The following ZNF438 variants were observed in gnomAD, a reference collection of about 807,000 sequenced individuals.
ZNF438 encodes zinc finger protein 438.
Under a neutral mutation model 38.0 loss-of-function variants are expected in ZNF438, and 25 were observed. The observed-to-expected ratio is 0.66, with a 90% CI of 0.48 to 0.92. The LOEUF (loss-of-function observed/expected upper bound fraction) is 0.92, where lower values mean the gene tolerates loss of function less well. Ranked by LOEUF, ZNF438 falls within the 40% of genes least tolerant of loss-of-function variation. The pLI, the probability that ZNF438 is intolerant of heterozygous loss-of-function variation, is 0.00. For missense variants in ZNF438, 1,007 were observed against 999.6 expected (o/e 1.01, Z -0.10); for synonymous variants, 372 against 364.1 (o/e 1.02, Z -0.25).
At chr10:30,920,112 C>T (rs762293430) in intron 2 of ZNF438, 2 of 152,236 alleles carry the variant, frequency 1.3e-5, no homozygotes, top group South Asian at 2.1e-4. Context: ...CATTGGCCCG[C>T]ATGTACTCTC....
At chr10:31,001,431 C>T (rs16932100) in intron 1 of ZNF438, among the ~76,000 whole-genome samples, 2,371 of 152,162 alleles carry the variant, frequency 0.016, 58 homozygotes, top group African/African-American at 0.054. Flanking sequence ...TCTGGGGAGG[C>T]CCACCCTATT....
At chr10:30,873,162 CA>C (rs941218413) in intron 4 of ZNF438, among the ~76,000 whole-genome samples, 2 of 151,788 alleles carry the variant, frequency 1.3e-5, no homozygotes, top group East Asian at 3.9e-4. Flanking sequence ...AAATAACAGA[CA>C]AAAAAAGGAG....
At chr10:30,845,889 C>T (rs1317734799) in intron 5 of ZNF438, among the ~76,000 whole-genome samples, 2 of 152,162 alleles carry the variant, frequency 1.3e-5, no homozygotes, top group African/African-American at 2.4e-5. Context: ...GGAAGAGTCA[C>T]GTAAGAGCGC....
At chr10:30,902,806 C>T (rs2042170804) in intron 3 of ZNF438, among the ~76,000 whole-genome samples, 1 of 152,232 alleles carries the variant, frequency 6.6e-6, no homozygotes. Context: ...CGCAGTGTGC[C>T]CGCACTCCTC....
chr10:30,964,593 TAA>T (rs1033027647), intron 1 of ZNF438, among the ~76,000 whole-genome samples: 25 of 152,208 alleles, frequency 1.6e-4, no homozygotes, highest in Non-Finnish European at 1.5e-4. Context: ...GGGGAAAATA[TAA>T]GTGTTCAGGA....
chr10:31,001,845 G>C (rs917959962), intron 1 of ZNF438, among the ~76,000 whole-genome samples: 1 of 152,176 alleles, frequency 6.6e-6, no homozygotes, highest in African/African-American at 2.4e-5. Flanking sequence ...GGCCTGACCA[G>C]TCCCAACCTC....
At chr10:30,987,368 T>TA (rs563193843) in intron 1 of ZNF438, among the ~76,000 whole-genome samples, 6,560 of 147,544 alleles carry the variant, frequency 0.044, 161 homozygotes, top group Non-Finnish European at 0.061. Context: ...GATGCTGAAT[T>TA]AAAAAAAAAA....
At chr10:31,020,607 G>C (rs1002594491) in intron 1 of ZNF438, among the ~76,000 whole-genome samples, 1 of 151,942 alleles carries the variant, frequency 6.6e-6, no homozygotes, top group Non-Finnish European at 1.5e-5. Flanking sequence ...TTCTGGGCCT[G>C]ATGGTTTAAA....
At chr10:30,958,997 T>C (rs2049171739) in intron 1 of ZNF438, among the ~76,000 whole-genome samples, 1 of 147,514 alleles carries the variant, frequency 6.8e-6, no homozygotes, top group South Asian at 2.2e-4. Flanking sequence ...TTTTTATTAA[T>C]ATCTATTACA....
intron 3 of ZNF438, among the ~76,000 whole-genome samples, chr10:30,902,089 A>T (rs1013963157): frequency 4.6e-5 from 7 of 152,174 alleles, no homozygotes; most frequent in African/African-American, 1.7e-4. Flanking sequence ...TTTATTGCAT[A>T]GAGCGAAAGA....
At chr10:30,912,595 A>G (rs1433089702) in intron 2 of ZNF438, among the ~76,000 whole-genome samples, 1 of 152,118 alleles carries the variant, frequency 6.6e-6, no homozygotes, top group Non-Finnish European at 1.5e-5. Context: ...CTGTAGGTCC[A>G]TATCTGTCTA....
chr10:30,932,830 C>G (rs2045843295), intron 2 of ZNF438, among the ~76,000 whole-genome samples: 1 of 152,106 alleles, frequency 6.6e-6, no homozygotes, highest in African/African-American at 2.4e-5. Context: ...CTGGTATCCT[C>G]ACAAGAGGAG....
intron 1 of ZNF438, among the ~76,000 whole-genome samples, chr10:31,014,591 T>C (rs1443728482): frequency 2.0e-5 from 3 of 152,112 alleles, no homozygotes; most frequent in South Asian, 2.1e-4. Flanking sequence ...ATTCAGTCCA[T>C]AGCATGCTCT....
At chr10:30,985,715 T>G (rs2052702028) in intron 1 of ZNF438, among the ~76,000 whole-genome samples, 1 of 152,242 alleles carries the variant, frequency 6.6e-6, no homozygotes, top group African/African-American at 2.4e-5. Context: ...TTAAGTTCTA[T>G]GAAGTCACCA....
rs531206845 is a variant in ZNF438, at chr10:30,922,571, C to T, written c.-114-13556G>A. On this transcript the variant is annotated intron_variant, in intron 2 of 5. Coordinates refer to ENST00000413025, the Ensembl canonical transcript of ZNF438. The stretch of plus-strand genomic sequence containing the variant: ...ATTGTCAGCCAGAAGCGGTGGCTCA[C>T]GCCTGTAATCCCAGCACTTTGGGAG... Among the ~76,000 whole-genome samples, 17 of 152,260 alleles carry T rather than the reference C, an allele frequency of 1.1e-4. No homozygotes were observed. In the East Asian group the frequency reaches 1.5e-3, roughly 14 times the overall value.
At chr10:30,886,162 G>A (rs1265808823) in intron 3 of ZNF438, among the ~76,000 whole-genome samples, 1 of 152,162 alleles carries the variant, frequency 6.6e-6, no homozygotes, top group Non-Finnish European at 1.5e-5. Flanking sequence ...GTATTCCTTA[G>A]GAATATGGCA....
intron 4 of ZNF438, among the ~76,000 whole-genome samples, chr10:30,866,509 G>A (rs2036447812): frequency 6.6e-6 from 1 of 152,198 alleles, no homozygotes; most frequent in Admixed American, 6.5e-5. Context: ...CCAGGAACTT[G>A]AAGTTTCCCA....
chr10:30,952,026 C>G (rs982272283), intron 1 of ZNF438, among the ~76,000 whole-genome samples: 1 of 149,934 alleles, frequency 6.7e-6, no homozygotes, highest in Non-Finnish European at 1.5e-5. Context: ...GTAACCAAAA[C>G]AGCATGGTAC....
At chr10:30,894,682 G>A (rs112831689) in intron 3 of ZNF438, among the ~76,000 whole-genome samples, 1,983 of 152,166 alleles carry the variant, frequency 0.013, 21 homozygotes, top group Non-Finnish European at 0.022. Flanking sequence ...AAGAAAAAAG[G>A]AACAATGGCA....
Sources: gnomAD v4.1 joint callset for allele counts (sites outside exome capture counted in the v4.1 genomes callset) on GRCh38, gnomAD v4.1.1 for gene constraint, MANE v1.5 for transcripts, NCBI Gene and HGNC (gene_info 2026-07-23, HGNC 2026-07-21) for gene names.